The following ADAM28 variants were observed in gnomAD, a reference collection of about 807,000 sequenced individuals.
ADAM28 encodes the protein disintegrin and metalloproteinase domain-containing protein 28.
A neutral mutation model predicts 101.2 loss-of-function variants in ADAM28; 105 were observed. That is an observed-to-expected ratio of 1.04 (90% CI 0.89 to 1.22). ADAM28 has a LOEUF of 1.22. Ranked by LOEUF, ADAM28 falls within the 50% of genes most tolerant of loss-of-function variation. ADAM28 has a pLI of 0.00. For synonymous variants in ADAM28, 322 were observed against 310.6 expected, an observed-to-expected ratio of 1.04 and a Z score of -0.39; for missense variants, 1,028 against 945.4, an observed-to-expected ratio of 1.09 and a Z score of -1.15.
intron 1 of ADAM28, among the ~76,000 whole-genome samples, chr8:24,295,089 T>A (rs1807786296): frequency 6.6e-6 from 1 of 152,196 alleles, no homozygotes; most frequent in Non-Finnish European, 1.5e-5. Flanking sequence ...AAGTTTTCCT[T>A]GTCCATGCAC....
At chr8:24,347,136 C>T (rs1040382504) in intron 18 of ADAM28, 2 of 151,964 alleles carry the variant, frequency 1.3e-5, no homozygotes, top group Non-Finnish European at 2.9e-5. Flanking sequence ...AGTTCTCTTT[C>T]AAGTTTCTAA....
chr8:24,329,833 C>G (rs1172600592), intron 10 of ADAM28, 152 bp from the exon 11 acceptor site: 1 of 779,412 alleles, frequency 1.3e-6, no homozygotes, highest in South Asian at 2.0e-5. Flanking sequence ...ATTTAGTACT[C>G]TCTCTCTCTT....
chr8:24,299,941 C>G, intron 1 of ADAM28, 33 bp from the exon 2 acceptor site: 4 of 1,562,218 alleles, frequency 2.6e-6, no homozygotes, highest in Non-Finnish European at 3.5e-6. Context: ...TCAGTTCTAC[C>G]TGGATAAGTC....
intron 4 of ADAM28, among the ~76,000 whole-genome samples, chr8:24,311,078 T>C (rs1023997298): frequency 6.6e-6 from 1 of 152,228 alleles, no homozygotes; most frequent in Non-Finnish European, 1.5e-5. Flanking sequence ...GGTTTTAAAC[T>C]GACATATCCA....
rs1008712480 is a variant in ADAM28, at chr8:24,320,120, T to C, written c.577-116T>C. 3 of 723,158 alleles carry C rather than the reference T, an allele frequency of 4.1e-6. No individual in the cohort carries two copies. In the African/African-American group the frequency reaches 5.5e-5, roughly 13 times the overall value. 44.8% of individuals were successfully genotyped at this position (723,158 alleles called of 1,614,324 possible). A position where few individuals can be genotyped will look rare whatever the true frequency, so the allele number is the denominator to read the frequency against. On this transcript the variant is annotated intron_variant, in intron 6 of 22. Coordinates refer to ENST00000265769, the MANE Select transcript of ADAM28 (RefSeq NM_014265.6). Reference sequence around the variant, plus strand: ...TGAATTGGTGTTAAAATGCTAATATTGTCTGCCTTTACTCCAGATATCAAC... The same window carrying C: ...TGAATTGGTGTTAAAATGCTAATATCGTCTGCCTTTACTCCAGATATCAAC...
chr8:24,331,027 G>T, intron 11 of ADAM28, 123 bp from the exon 12 acceptor site: 2 of 904,002 alleles, frequency 2.2e-6, no homozygotes, highest in South Asian at 2.2e-5. Flanking sequence ...TCTGGCAGTT[G>T]GTCAGTGGAT....
At chr8:24,296,346 C>T (rs546816156) in intron 1 of ADAM28, 2 of 152,252 alleles carry the variant, frequency 1.3e-5, no homozygotes, top group East Asian at 3.9e-4. Context: ...ACTTTTAATG[C>T]ATGAAGTTTA....
chr8:24,339,350 T>G (rs1240923763), intron 14 of ADAM28, 116 bp from the exon 15 acceptor site: 1 of 751,900 alleles, frequency 1.3e-6, no homozygotes, highest in East Asian at 2.7e-5. Context: ...TTCTTGCTTG[T>G]TTTATATTTT....
intron 2 of ADAM28, among the ~76,000 whole-genome samples, chr8:24,305,355 AGTGTGTGTATGTGT>A (rs138935761): frequency 0.022 from 3,295 of 151,488 alleles, 131 homozygotes; most frequent in African/African-American, 0.074. Flanking sequence ...TGTGTTCACA[AGTGTGTGTATGTGT>A]GTGTGTGCAT....
intron 2 of ADAM28, among the ~76,000 whole-genome samples, chr8:24,305,625 G>GTATT (rs1809500334): frequency 1.3e-5 from 2 of 151,806 alleles, no homozygotes; most frequent in Admixed American, 1.3e-4. Flanking sequence ...GGAAATAAGA[G>GTATT]TATTAAATAA....
chr8:24,341,657 G>A lies in ADAM28; in HGVS notation c.1730G>A (p.Gly577Glu). ...QGGSDNLPWK[G>E]RIVTFLTCKT... Reference sequence around the variant, plus strand: ...GGGTCGGATAATTTGCCCTGGAAAGGACGGATAGTGACTTTCCTGACATGT... The same window carrying A: ...GGGTCGGATAATTTGCCCTGGAAAGAACGGATAGTGACTTTCCTGACATGT... The change falls in exon 16 of 23, where the codon GGA becomes GAA. Residue 577 changes from glycine to glutamate, a missense_variant. Gly to Glu is a moderately conservative substitution (Grantham distance 98). Transcript: ENST00000265769. 6.2e-7 allele frequency: 1 copy of A among 1,613,916 alleles called. No individual in the cohort carries two copies. Among genetic ancestry groups the A allele is most frequent in the Non-Finnish European group, 8.5e-7 (1 of 1,179,834 alleles).
Position 24,324,018 on chromosome 8 carries a change from T to C in ADAM28, c.890+15T>C. ...CAGTTAATCACGTATGTACAGATTT[T>C]CTCCCATTGCACACTATGTGGTATT... On this transcript the variant is annotated intron_variant, in intron 9 of 22. Coordinates refer to ENST00000265769, the MANE Select transcript of ADAM28 (RefSeq NM_014265.6). 6.2e-7 allele frequency: 1 copy of C among 1,610,116 alleles called. No individual in the cohort carries two copies. Among genetic ancestry groups the C allele is most frequent in the Non-Finnish European group, 8.5e-7 (1 of 1,177,604 alleles).
intron 9 of ADAM28, among the ~76,000 whole-genome samples, chr8:24,325,826 G>A (rs546846267): frequency 7.9e-6 from 1 of 126,540 alleles, no homozygotes; most frequent in Non-Finnish European, 1.6e-5. Flanking sequence ...ATGCAATTTG[G>A]CAAATTTCTA....
At chr8:24,334,544 A>G (rs1213644916) in intron 13 of ADAM28, among the ~76,000 whole-genome samples, 1 of 152,194 alleles carries the variant, frequency 6.6e-6, no homozygotes, top group Non-Finnish European at 1.5e-5. Flanking sequence ...GAATTTCCAA[A>G]TGAGGGCACA....
In ADAM28 at chr8:24,332,655, CT is replaced by C; in HGVS notation, c.1282-3del. ...GCATTTACATTTGTTTCTCATATTTCTTAGGAATGTACCAATATTTGCTGTG... is the reference window on the plus strand; with the variant it reads ...GCATTTACATTTGTTTCTCATATTTCTAGGAATGTACCAATATTTGCTGTG... On this transcript the variant is annotated splice_region_variant and splice_polypyrimidine_tract_variant and intron_variant, in intron 12 of 22. Transcript: ENST00000265769. The C allele has an allele frequency of 6.8e-7, 1 of 1,464,976 alleles. No homozygotes were observed. The highest frequency in any genetic ancestry group is 2.0e-5 in the Admixed American group (1 of 49,838). 90.7% of individuals were successfully genotyped at this position (1,464,976 alleles called of 1,614,324 possible). A position where few individuals can be genotyped will look rare whatever the true frequency, so the allele number is the denominator to read the frequency against.
At chr8:24,308,969 C>T (rs777479312) in intron 2 of ADAM28, among the ~76,000 whole-genome samples, 4 of 152,142 alleles carry the variant, frequency 2.6e-5, no homozygotes, top group South Asian at 2.1e-4. Flanking sequence ...TTCTCAACAA[C>T]CTTTGGTCTA....
intron 10 of ADAM28, among the ~76,000 whole-genome samples, chr8:24,328,969 C>T (rs1250547560): frequency 1.3e-5 from 2 of 151,200 alleles, no homozygotes; most frequent in Non-Finnish European, 3.0e-5. Context: ...TAGAGTGGGG[C>T]AAGACAGAAT....
Position 24,331,162 on chromosome 8 carries a change from C to G in ADAM28, c.1116C>G (p.Pro372=). The G allele has an allele frequency of 3.1e-6, 5 of 1,611,370 alleles. No individual in the cohort carries two copies. The highest frequency in any genetic ancestry group is 3.3e-4 in the Middle Eastern group (2 of 6,040). ...CTTATCTTCACAGCTTCTATATACCCACAGACTTCAGTTCCTGCAGCCGTC... is the reference window on the plus strand; with the variant it reads ...CTTATCTTCACAGCTTCTATATACCGACAGACTTCAGTTCCTGCAGCCGTC... ...VMDKALSFYI[P]TDFSSCSRLS... Residue 372 remains proline (P), a synonymous_variant, in exon 12 of 23, where the codon CCC becomes CCG. Transcript: ENST00000265769.
At position 24,356,792 on chromosome 8, in the gene ADAM28, T is replaced by C. The variant is rs1373277247; in HGVS notation, c.*2388T>C. On this transcript the variant is annotated 3_prime_UTR_variant, in exon 23 of 23. Transcript: ENST00000265769. ...ACAGTGAAATTATTAGGTTAAATTA[T>C]GTTTTTATCCAGTTACTCTAAGATA... The C allele has an allele frequency of 6.6e-6, 1 of 152,200 alleles. No homozygotes were observed. Among genetic ancestry groups the C allele is most frequent in the Non-Finnish European group, 1.5e-5 (1 of 68,026 alleles). 9.4% of individuals were successfully genotyped at this position (152,200 alleles called of 1,614,324 possible).
Sources: allele counts gnomAD v4.1 joint callset (sites outside exome capture counted in the v4.1 genomes callset), GRCh38; gene constraint gnomAD v4.1.1; transcripts MANE v1.5; gene names NCBI Gene and HGNC (gene_info 2026-07-23, HGNC 2026-07-21).